The following MSRA variants were observed in gnomAD, a reference collection of about 807,000 sequenced individuals.
MSRA encodes the protein methionine sulfoxide reductase A, also known as mitochondrial peptide methionine sulfoxide reductase.
In MSRA, 54 loss-of-function variants were observed where a neutral mutation model predicts 31.3. The observed-to-expected ratio is 1.73, with a 90% confidence interval of 1.39 to 2.17. The LOEUF is 2.17. Among genes scored for constraint, MSRA ranks in the 30% most tolerant of loss-of-function variants. The probability of loss-of-function intolerance (pLI) is 0.00; values close to 1 mark genes in which losing one functional copy is unlikely to be tolerated. For synonymous variants in MSRA, 169 were observed against 116.5 expected (o/e 1.45, Z -2.90); for missense variants, 507 against 300.9 (o/e 1.69, Z -5.07).
At position 10,122,312 on chromosome 8, in the gene MSRA, C is replaced by T. The variant is rs555538128; in HGVS notation, c.142+67654C>T. 2.6e-4 allele frequency among the ~76,000 whole-genome samples: 39 copies of T among 152,298 alleles called. No homozygotes were observed. The South Asian group carries it at 5.8e-3, about 23-fold the overall frequency. ...AGGCACCAGGCTCAGCGGGAGCACC[C>T]GCCTGGAGAAGCATACTTTGTGAGG... is the stretch of plus-strand genomic sequence containing the variant. On this transcript the variant is annotated intron_variant, in intron 1 of 5. Coordinates refer to ENST00000317173, the MANE Select transcript of MSRA (RefSeq NM_012331.5).
chr8:10,089,036 G>T (rs1445952802), intron 1 of MSRA, among the ~76,000 whole-genome samples: 1 of 152,108 alleles, frequency 6.6e-6, no homozygotes, highest in Non-Finnish European at 1.5e-5. Flanking sequence ...AATAAAAACA[G>T]ATATATTGGA....
At chr8:10,092,588 G>T (rs548791734) in intron 1 of MSRA, among the ~76,000 whole-genome samples, 2 of 152,094 alleles carry the variant, frequency 1.3e-5, no homozygotes, top group South Asian at 2.1e-4. Context: ...AATCCAGGAA[G>T]TGGAGGTTGC....
At chr8:10,131,493 G>A (rs1409553356) in intron 1 of MSRA, among the ~76,000 whole-genome samples, 1 of 152,238 alleles carries the variant, frequency 6.6e-6, no homozygotes, top group East Asian at 1.9e-4. Flanking sequence ...TTATGAGTGT[G>A]AAGTGAGAAT....
At chr8:10,064,172 C>G (rs186644724) in intron 1 of MSRA, among the ~76,000 whole-genome samples, 13 of 152,270 alleles carry the variant, frequency 8.5e-5, no homozygotes, top group African/African-American at 3.1e-4. Flanking sequence ...TTCTCAGATT[C>G]CAGCTGCTTT....
intron 2 of MSRA, among the ~76,000 whole-genome samples, chr8:10,237,801 C>T (rs1246029391): frequency 6.6e-6 from 1 of 152,170 alleles, no homozygotes; most frequent in East Asian, 1.9e-4. Flanking sequence ...AAAATATATC[C>T]AGATTCTAAT....
intron 5 of MSRA, among the ~76,000 whole-genome samples, chr8:10,363,215 C>G (rs1382157857): frequency 6.6e-6 from 1 of 152,174 alleles, no homozygotes; most frequent in Non-Finnish European, 1.5e-5. Flanking sequence ...GCTGGGAGAG[C>G]GATCCTGATC....
intron 1 of MSRA, among the ~76,000 whole-genome samples, chr8:10,117,319 G>A (rs556177501): frequency 1.3e-5 from 2 of 152,160 alleles, no homozygotes; most frequent in Non-Finnish European, 2.9e-5. Context: ...GAATCGTGAA[G>A]GGAAAATTCC....
chr8:10,218,401 T>G (rs560334596), intron 2 of MSRA, among the ~76,000 whole-genome samples: 86 of 152,212 alleles, frequency 5.7e-4, no homozygotes, highest in African/African-American at 2.0e-3. Context: ...CGTCTCAGCC[T>G]CCCAAAATGC....
intron 5 of MSRA, among the ~76,000 whole-genome samples, chr8:10,364,205 G>T (rs1805027061): frequency 6.6e-6 from 1 of 152,164 alleles, no homozygotes. Context: ...TAACTGAATT[G>T]TCCCTGCCCG....
intron 3 of MSRA, among the ~76,000 whole-genome samples, chr8:10,264,250 A>G (rs1041794144): frequency 4.6e-5 from 7 of 152,088 alleles, no homozygotes; most frequent in Non-Finnish European, 8.8e-5. Context: ...TTTTCCCCTC[A>G]TTTCCAGTAG....
intron 4 of MSRA, among the ~76,000 whole-genome samples, chr8:10,312,446 A>G (rs982854427): frequency 1.3e-5 from 2 of 152,250 alleles, no homozygotes; most frequent in Admixed American, 6.5e-5. Flanking sequence ...AAAACTGAAT[A>G]AAGACACCAC....
chr8:10,072,413 C>G (rs1301050396), intron 1 of MSRA, among the ~76,000 whole-genome samples: 1 of 151,924 alleles, frequency 6.6e-6, no homozygotes, highest in Non-Finnish European at 1.5e-5. Context: ...AATTAGTTGG[C>G]CATATTTGTG....
chr8:10,181,900 C>T (rs567535405), intron 1 of MSRA, among the ~76,000 whole-genome samples: 2 of 152,194 alleles, frequency 1.3e-5, no homozygotes, highest in African/African-American at 4.8e-5. Flanking sequence ...TGCCTTGGCT[C>T]AACTTCGTGA....
At chr8:10,173,715 C>T (rs1372054626) in intron 1 of MSRA, among the ~76,000 whole-genome samples, 1 of 152,240 alleles carries the variant, frequency 6.6e-6, no homozygotes, top group South Asian at 2.1e-4. Flanking sequence ...TTGATTAACT[C>T]AATCTGCAGC....
intron 2 of MSRA, among the ~76,000 whole-genome samples, chr8:10,233,104 T>G (rs899645416): frequency 6.6e-6 from 1 of 152,218 alleles, no homozygotes; most frequent in Non-Finnish European, 1.5e-5. Flanking sequence ...TTAAATATTT[T>G]GTAAGGAACA....
chr8:10,211,636 G>T (rs1809507127), intron 2 of MSRA, among the ~76,000 whole-genome samples: 1 of 152,070 alleles, frequency 6.6e-6, no homozygotes, highest in Admixed American at 6.6e-5. Context: ...TGTGTAGTGG[G>T]CATCATTGTG....
chr8:10,126,910 T>G (rs1286992826), intron 1 of MSRA, among the ~76,000 whole-genome samples: 1 of 152,204 alleles, frequency 6.6e-6, no homozygotes, highest in East Asian at 1.9e-4. Flanking sequence ...CTGCTACTGC[T>G]CTGTTAGGAG....
At chr8:10,401,657 A>C (rs1411429838) in intron 5 of MSRA, among the ~76,000 whole-genome samples, 1 of 147,260 alleles carries the variant, frequency 6.8e-6, no homozygotes, top group Non-Finnish European at 1.5e-5. Context: ...GAAGCAACTT[A>C]AGTGCCCGTC....
chr8:10,167,293 G>A (rs903428568), intron 1 of MSRA, among the ~76,000 whole-genome samples: 3 of 152,176 alleles, frequency 2.0e-5, no homozygotes, highest in Non-Finnish European at 4.4e-5. Context: ...ATACTGCTCT[G>A]TCCATTTCTG....
Sources: gnomAD v4.1 joint callset for allele counts (sites outside exome capture counted in the v4.1 genomes callset) on GRCh38, gnomAD v4.1.1 for gene constraint, MANE v1.5 for transcripts, NCBI Gene and HGNC (gene_info 2026-07-23, HGNC 2026-07-21) for gene names.